The following TMEM132C variants were observed in gnomAD, a reference collection of about 807,000 sequenced individuals.
The protein encoded by TMEM132C is protein phosphatase 1, regulatory subunit 152.
Under a neutral mutation model 61.4 loss-of-function variants are expected in TMEM132C, and 29 were observed. That is an observed-to-expected ratio of 0.47 (90% CI 0.35 to 0.64). TMEM132C has a LOEUF of 0.64. Among genes scored for constraint, TMEM132C ranks in the 30% least tolerant of loss-of-function variants. The pLI is 0.00. For missense variants in TMEM132C, 1,408 were observed against 1,476.9 expected (o/e 0.95, Z 0.76); for synonymous variants, 656 against 633.1 (o/e 1.04, Z -0.54).
At chr12:128,295,339 A>T (rs1362130962) in intron 1 of TMEM132C, among the ~76,000 whole-genome samples, 1 of 152,164 alleles carries the variant, frequency 6.6e-6, no homozygotes, top group Non-Finnish European at 1.5e-5. Flanking sequence ...ACCCAGTCCC[A>T]AAATAAATAT....
At chr12:128,404,581 C>T (rs1012122950) in intron 1 of TMEM132C, 1 of 152,236 alleles carries the variant, frequency 6.6e-6, no homozygotes, top group Non-Finnish European at 1.5e-5. Flanking sequence ...GGCTCATTCT[C>T]CCAGTGTTAT....
intron 4 of TMEM132C, among the ~76,000 whole-genome samples, chr12:128,658,089 G>T: frequency 7.7e-6 from 1 of 129,264 alleles, no homozygotes; most frequent in African/African-American, 2.8e-5. Context: ...CAGGGACGCA[G>T]CTCCCATGGA....
chr12:128,318,310 C>G (rs1872218501), intron 1 of TMEM132C, among the ~76,000 whole-genome samples: 1 of 152,196 alleles, frequency 6.6e-6, no homozygotes, highest in African/African-American at 2.4e-5. Flanking sequence ...CTCCAAATCT[C>G]TGGAGAGCAG....
At chr12:128,636,713 C>T (rs532226263) in intron 4 of TMEM132C, among the ~76,000 whole-genome samples, 3 of 152,128 alleles carry the variant, frequency 2.0e-5, no homozygotes, top group Admixed American at 6.5e-5. Flanking sequence ...CTAGAACATA[C>T]GTATTCACCT....
Position 128,706,233 on chromosome 12 carries a change from G to A in TMEM132C, c.3265G>A (p.Val1089Met), listed in dbSNP as rs375099976. The change falls in exon 9 of 9, where the codon GTG becomes ATG. Residue 1089 changes from valine (V) to methionine (M), a missense_variant. Physicochemically the swap from Val to Met is conservative, Grantham distance 21 (BLOSUM62 1). Transcript: ENST00000435159. ...DEDIKWVCQD[V>M]AVGAPKELRN... is the part of the protein sequence containing the mutation. ...GGACATCAAATGGGTGTGTCAAGAC[G>A]TGGCTGTGGGTGCCCCCAAGGAACT... is the stretch of plus-strand genomic sequence containing the variant. 1.0e-4 allele frequency: 157 copies of A among 1,551,550 alleles called. No individual in the cohort carries two copies. The highest frequency in any genetic ancestry group is 5.9e-4 in the Admixed American group (30 of 50,994).
Position 128,414,716 on chromosome 12 carries a change from C to CTTT in TMEM132C, c.86-13_86-11dup. The CTTT allele has an allele frequency of 2.0e-6, 3 of 1,495,772 alleles. No homozygotes were observed. Among genetic ancestry groups the CTTT allele is most frequent in the Non-Finnish European group, 2.7e-6 (3 of 1,126,138 alleles). The allele number at this position is 1,495,772 out of a possible 1,614,324, so 92.7% of individuals were successfully genotyped here. Reference sequence around the variant, plus strand: ...CTGTCTTTGTCTTTTTCTTTTCTTTCTTTTTCCCTTTTTAGTGATAGAGGG... The same window carrying CTTT: ...CTGTCTTTGTCTTTTTCTTTTCTTTCTTTTTTTTCCCTTTTTAGTGATAGAGGG... On this transcript the variant is annotated splice_polypyrimidine_tract_variant and intron_variant, in intron 1 of 8. Coordinates refer to ENST00000435159, the MANE Select transcript of TMEM132C (RefSeq NM_001136103.3).
At chr12:128,387,852 C>T (rs1395929725) in intron 1 of TMEM132C, among the ~76,000 whole-genome samples, 2 of 152,114 alleles carry the variant, frequency 1.3e-5, no homozygotes, top group African/African-American at 2.4e-5. Flanking sequence ...TGTGTGGAGA[C>T]GTGGGTGTTT....
chr12:128,379,445 G>T (rs958778502), intron 1 of TMEM132C, among the ~76,000 whole-genome samples: 3 of 152,190 alleles, frequency 2.0e-5, no homozygotes, highest in Admixed American at 2.0e-4. Context: ...GCAACAAACT[G>T]CATGACTTAA....
At chr12:128,377,801 C>T (rs537947126) in intron 1 of TMEM132C, among the ~76,000 whole-genome samples, 1 of 152,148 alleles carries the variant, frequency 6.6e-6, no homozygotes. Context: ...GGTGAATAGT[C>T]GACTTGTAGA....
chr12:128,686,070 CGTGTGTGCGCATGT>C (rs1566014948), intron 5 of TMEM132C, among the ~76,000 whole-genome samples: 3 of 58,894 alleles, frequency 5.1e-5, no homozygotes, highest in African/African-American at 1.2e-4. Flanking sequence ...TGTGTGCATG[CGTGTGTGCGCATGT>C]GTGTTGTGTG....
intron 1 of TMEM132C, among the ~76,000 whole-genome samples, chr12:128,377,431 G>A (rs920919718): frequency 4.6e-5 from 7 of 152,182 alleles, no homozygotes; most frequent in Non-Finnish European, 8.8e-5. Context: ...TACCACGTAG[G>A]TTGGGATTCT....
intron 1 of TMEM132C, among the ~76,000 whole-genome samples, chr12:128,277,053 A>G (rs1284556541): frequency 6.6e-6 from 1 of 152,170 alleles, no homozygotes; most frequent in African/African-American, 2.4e-5. Context: ...TTTTGTCTCC[A>G]CTGGAAACAA....
At chr12:128,367,557 C>G (rs547662679) in intron 1 of TMEM132C, among the ~76,000 whole-genome samples, 43 of 152,272 alleles carry the variant, frequency 2.8e-4, no homozygotes, top group Admixed American at 7.2e-4. Flanking sequence ...GGCTCTGGCA[C>G]TGCCCCTAGC....
At chr12:128,436,239 G>GCAAGGA (rs893836251) in intron 2 of TMEM132C, among the ~76,000 whole-genome samples, 3 of 152,100 alleles carry the variant, frequency 2.0e-5, no homozygotes, top group African/African-American at 4.8e-5. Context: ...ATAGGCATGG[G>GCAAGGA]CAAGGACTTC....
intron 3 of TMEM132C, among the ~76,000 whole-genome samples, chr12:128,549,101 C>G (rs942513643): frequency 1.3e-5 from 2 of 152,100 alleles, no homozygotes; most frequent in African/African-American, 4.8e-5. Flanking sequence ...GAAGCTCAGG[C>G]GGGAGACTGC....
intron 2 of TMEM132C, among the ~76,000 whole-genome samples, chr12:128,440,209 T>G (rs1479192946): frequency 6.6e-6 from 1 of 152,238 alleles, no homozygotes; most frequent in East Asian, 1.9e-4. Context: ...TCACAACTAG[T>G]GGCTTCTGGC....
intron 2 of TMEM132C, among the ~76,000 whole-genome samples, chr12:128,444,128 C>T (rs1001841407): frequency 2.0e-5 from 3 of 152,180 alleles, no homozygotes; most frequent in African/African-American, 7.2e-5. Context: ...CTGTGTTGCC[C>T]AGACTGGTCT....
At chr12:128,289,932 C>T (rs904062622) in intron 1 of TMEM132C, among the ~76,000 whole-genome samples, 9 of 152,264 alleles carry the variant, frequency 5.9e-5, no homozygotes, top group Middle Eastern at 3.4e-3. Context: ...GAGGCAAACC[C>T]TGTCCTGAGG....
At chr12:128,357,737 A>T (rs187372909) in intron 1 of TMEM132C, among the ~76,000 whole-genome samples, 14 of 151,828 alleles carry the variant, frequency 9.2e-5, no homozygotes, top group African/African-American at 2.9e-4. Flanking sequence ...AAAGAAGCAA[A>T]TATTCCCCCT....
Sources: allele counts gnomAD v4.1 joint callset (sites outside exome capture counted in the v4.1 genomes callset), GRCh38; gene constraint gnomAD v4.1.1; transcripts MANE v1.5; gene names NCBI Gene and HGNC (gene_info 2026-07-23, HGNC 2026-07-21).